GLB1: variants seen among roughly 807,000 people sequenced by gnomAD.
The protein encoded by GLB1 is beta-galactosidase.
A neutral mutation model predicts 74.0 loss-of-function variants in GLB1; 56 were observed. The observed-to-expected ratio is 0.76, with a 90% CI of 0.61 to 0.94. The LOEUF (loss-of-function observed/expected upper bound fraction) is 0.94. Among genes scored for constraint, GLB1 ranks in the 40% least tolerant of loss-of-function variants. The probability of loss-of-function intolerance (pLI) is 0.00; values close to 1 mark genes in which losing one functional copy is unlikely to be tolerated. For missense variants in GLB1, 787 were observed against 845.5 expected (o/e 0.93, Z 0.86); for synonymous variants, 323 against 323.6 (o/e 1.00, Z 0.02).
At chr3:33,009,245 C>T (rs538364666) in intron 15 of GLB1, among the ~76,000 whole-genome samples, 18 of 152,048 alleles carry the variant, frequency 1.2e-4, no homozygotes, top group African/African-American at 1.9e-4. Flanking sequence ...GATTTAAGGC[C>T]GGGTGCAGTG....
At chr3:33,002,958 GA>G (rs1177807489) in intron 15 of GLB1, among the ~76,000 whole-genome samples, 2 of 151,800 alleles carry the variant, frequency 1.3e-5, no homozygotes, top group Admixed American at 6.6e-5. Context: ...GAATTGAAAA[GA>G]AAAAAAGGTA....
chr3:33,088,307 G>T (rs4130168), intron 1 of GLB1, among the ~76,000 whole-genome samples: 156 of 150,390 alleles, frequency 1.0e-3, no homozygotes, highest in Non-Finnish European at 1.9e-3. Context: ...AAATTAGAAA[G>T]GAGAAGTAAA....
intron 10 of GLB1, chr3:33,030,115 GT>G (rs1014918935): frequency 2.0e-5 from 3 of 152,174 alleles, no homozygotes; most frequent in African/African-American, 7.2e-5. Flanking sequence ...AAGGCAGAGG[GT>G]GCAGAGACCA....
At chr3:33,017,506 GA>G (rs1422276030) in intron 13 of GLB1, among the ~76,000 whole-genome samples, 2 of 152,196 alleles carry the variant, frequency 1.3e-5, no homozygotes, top group Non-Finnish European at 2.9e-5. Context: ...CCACTGAAAT[GA>G]AAGCTGTTGA....
At chr3:32,981,703 G>A in the GLB1 span, among the ~76,000 whole-genome samples, 3 of 151,728 alleles carry the variant, frequency 2.0e-5, no homozygotes, top group Non-Finnish European at 2.9e-5. Flanking sequence ...AACCTGGGAA[G>A]TGGAGGTTGC....
intron 12 of GLB1, chr3:33,021,237 A>C (rs1697462907): frequency 2.6e-6 from 1 of 380,236 alleles, no homozygotes; most frequent in Admixed American, 3.9e-5. Context: ...GAGTATTAAA[A>C]CAGTGATCTT....
At chr3:33,078,398 C>T (rs574614179) in intron 1 of GLB1, among the ~76,000 whole-genome samples, 2 of 152,334 alleles carry the variant, frequency 1.3e-5, no homozygotes, top group Non-Finnish European at 2.9e-5. Flanking sequence ...ATTTTTTGTG[C>T]TCCATCTGCT....
intron 2 of GLB1, among the ~76,000 whole-genome samples, 192 bp from the exon 3 acceptor site, chr3:33,069,162 G>A (rs1699804209): frequency 6.6e-6 from 1 of 152,100 alleles, no homozygotes; most frequent in African/African-American, 2.4e-5. Flanking sequence ...AGTCACGGTG[G>A]GTGGATGGCT....
chr3:33,053,521 G>C lies in GLB1; in HGVS notation c.762C>G (p.Ser254Arg), dbSNP rs764096226. 6.8e-6 allele frequency: 11 copies of C among 1,614,156 alleles called. No individual in the cohort carries two copies. The highest frequency in any genetic ancestry group is 9.3e-6 in the Non-Finnish European group (11 of 1,180,022). The change falls in exon 7 of 16, where the codon AGC becomes AGG. Residue 254 changes from serine to arginine, a missense_variant. Coordinates refer to ENST00000307363, the MANE Select transcript of GLB1 (RefSeq NM_000404.4). Reference sequence around the variant, plus strand: ...GTCCTTTGGGCTCACACTTCCTCTGGCTTAGGAAAGCATCTGTGATGTTGC... The same window carrying C: ...GTCCTTTGGGCTCACACTTCCTCTGCCTTAGGAAAGCATCTGTGATGTTGC... ...TGSNITDAFL[S>R]QRKCEPKGPL...
chr3:32,990,112 C>A, the GLB1 span, among the ~76,000 whole-genome samples: 2 of 152,300 alleles, frequency 1.3e-5, no homozygotes, highest in East Asian at 1.9e-4. Flanking sequence ...TCATTCCAAC[C>A]CCAGTCAGAT....
Position 33,093,127 on chromosome 3 carries a change from C to T in GLB1, c.75+3884G>A. ...ATGATTGTGTGGTCTGGGCTGCAGC[C>T]CTCCAGGGCCTTGTCAAGATCCATG... On this transcript the variant is annotated intron_variant, in intron 1 of 15. Coordinates refer to ENST00000307363, the MANE Select transcript of GLB1 (RefSeq NM_000404.4). The surrounding 1 kb of genome is among the most constrained non-coding windows in gnomAD (Gnocchi z 6.0). 1 of 1,614,132 alleles carries T rather than the reference C, an allele frequency of 6.2e-7. No homozygotes were observed. Among genetic ancestry groups the T allele is most frequent in the Non-Finnish European group, 8.5e-7 (1 of 1,180,020 alleles).
At chr3:33,096,817 C>G in intron 1 of GLB1, 194 bp downstream of exon 1, 1 of 1,363,928 alleles carries the variant, frequency 7.3e-7, no homozygotes, top group East Asian at 3.1e-5. Flanking sequence ...GAAGGACGCG[C>G]GCCCCGCCCG....
chr3:33,089,569 G>T (rs1345271494), intron 1 of GLB1, among the ~76,000 whole-genome samples: 1 of 152,128 alleles, frequency 6.6e-6, no homozygotes, highest in East Asian at 1.9e-4. Flanking sequence ...GAGTATTACT[G>T]TAGTCCAGCC....
the GLB1 span, among the ~76,000 whole-genome samples, chr3:32,961,757 T>C: frequency 4.6e-5 from 7 of 152,252 alleles, no homozygotes; most frequent in Non-Finnish European, 8.8e-5. Flanking sequence ...ATTATCATGA[T>C]AAAATATGTC....
chr3:33,049,837 T>C (rs1698903119), intron 9 of GLB1, among the ~76,000 whole-genome samples: 2 of 152,326 alleles, frequency 1.3e-5, no homozygotes, highest in Non-Finnish European at 1.5e-5. Context: ...ATTTGAGTTT[T>C]GCAATATCTT....
intron 10 of GLB1, chr3:33,034,485 T>C: frequency 1.4e-6 from 1 of 734,584 alleles, no homozygotes; most frequent in South Asian, 1.5e-5. Context: ...AGTGACTGGG[T>C]TTGAGATGTG....
At chr3:33,008,527 T>C (rs1157043926) in intron 15 of GLB1, among the ~76,000 whole-genome samples, 1 of 151,530 alleles carries the variant, frequency 6.6e-6, no homozygotes, top group Non-Finnish European at 1.5e-5. Flanking sequence ...AGGTCTTCAG[T>C]GGAGAGGGTG....
In GLB1 at chr3:33,051,892, C is replaced by T; in HGVS notation, c.905G>A (p.Ser302Asn). 5 of 1,614,236 alleles carry T rather than the reference C, an allele frequency of 3.1e-6. No homozygotes were observed. The South Asian group carries it at 3.3e-5, about 11-fold the overall frequency. Residue 302 changes from serine to asparagine, a missense_variant, in exon 8 of 16, where the codon AGT (serine) becomes AAT (asparagine). Transcript: ENST00000307363. Reference protein sequence around the residue: ...SLYDILARGASVNLYMFIGGT... With the variant: ...SLYDILARGANVNLYMFIGGT... The stretch of plus-strand genomic sequence containing the variant: ...GGCAATGAACACTCACAAGTTCACA[C>T]TCGCCCCACGGGCAAGTATATCATA...
chr3:33,008,923 T>C (rs965971340), intron 15 of GLB1, among the ~76,000 whole-genome samples: 20 of 151,414 alleles, frequency 1.3e-4, no homozygotes, highest in South Asian at 2.1e-4. Flanking sequence ...AGTTTGAGAC[T>C]GGCCTGACCA....
Sources: allele counts gnomAD v4.1 joint callset (sites outside exome capture counted in the v4.1 genomes callset), GRCh38; gene constraint gnomAD v4.1.1; non-coding constraint Gnocchi (gnomAD v3.1); transcripts MANE v1.5; gene names NCBI Gene and HGNC (gene_info 2026-07-23, HGNC 2026-07-21).